The following DTNA variants were observed in gnomAD, a reference collection of about 807,000 sequenced individuals.
The protein encoded by DTNA is dystrophin-related protein 3.
DTNA carries 43 observed loss-of-function variants against 100.7 expected under a neutral mutation model. The ratio of observed to expected loss-of-function variants is 0.43; its 90% confidence interval spans 0.33 to 0.55. DTNA has a LOEUF of 0.55. DTNA is among the 20% of genes least tolerant of loss of function. DTNA has a pLI of 0.04. For synonymous variants in DTNA, 349 were observed against 347.9 expected, an observed-to-expected ratio of 1.00 and a Z score of -0.04; for missense variants, 798 against 953.9, an observed-to-expected ratio of 0.84 and a Z score of 2.15.
chr18:34,746,330 C>T (rs531916264), intron 1 of DTNA, among the ~76,000 whole-genome samples: 2 of 151,922 alleles, frequency 1.3e-5, no homozygotes, highest in South Asian at 4.2e-4. Flanking sequence ...TTGAGACAGT[C>T]CCAAATGATC....
chr18:34,558,242 G>A (rs565366949), intron 1 of DTNA: 31 of 153,460 alleles, frequency 2.0e-4, no homozygotes, highest in African/African-American at 6.3e-4. Flanking sequence ...CACGGTGTGC[G>A]CACCCACTGA....
At chr18:34,535,326 T>G (rs1189346912) in intron 1 of DTNA, among the ~76,000 whole-genome samples, 1 of 152,162 alleles carries the variant, frequency 6.6e-6, no homozygotes, top group African/African-American at 2.4e-5. Flanking sequence ...TTGCCCACTT[T>G]TTGATGGGAT....
intron 1 of DTNA, among the ~76,000 whole-genome samples, chr18:34,685,320 G>A (rs143306515): frequency 2.2e-3 from 333 of 152,224 alleles, no homozygotes; most frequent in African/African-American, 7.9e-3. Context: ...TTTGTATGAG[G>A]TGTAAGGAAA....
intron 1 of DTNA, among the ~76,000 whole-genome samples, chr18:34,495,788 A>G (rs1305960293): frequency 6.6e-6 from 1 of 152,190 alleles, no homozygotes; most frequent in African/African-American, 2.4e-5. Flanking sequence ...TAAAATCTCC[A>G]CTTGTTTTAA....
At chr18:34,778,385 C>CT (rs1210100159) in intron 3 of DTNA, among the ~76,000 whole-genome samples, 1 of 152,134 alleles carries the variant, frequency 6.6e-6, no homozygotes, top group Non-Finnish European at 1.5e-5. Context: ...CCACTTCACT[C>CT]TTTTTATAGC....
At chr18:34,703,648 C>T (rs79641514) in intron 1 of DTNA, among the ~76,000 whole-genome samples, 2,243 of 152,274 alleles carry the variant, frequency 0.015, 58 homozygotes, top group African/African-American at 0.052. Flanking sequence ...ATCAGATGTA[C>T]AGTCCTTGCT....
At chr18:34,519,444 A>G (rs2041960714) in intron 1 of DTNA, among the ~76,000 whole-genome samples, 2 of 152,086 alleles carry the variant, frequency 1.3e-5, no homozygotes, top group Non-Finnish European at 2.9e-5. Flanking sequence ...TACAAACTTC[A>G]TTAAATAAAT....
At chr18:34,810,611 C>T (rs188452992) in intron 5 of DTNA, among the ~76,000 whole-genome samples, 3 of 152,050 alleles carry the variant, frequency 2.0e-5, no homozygotes, top group Non-Finnish European at 4.4e-5. Context: ...AGGAGGAATA[C>T]GTTCGAGTGT....
chr18:34,780,218 A>G (rs1325611979), intron 3 of DTNA, among the ~76,000 whole-genome samples: 7 of 152,216 alleles, frequency 4.6e-5, no homozygotes, highest in Admixed American at 2.0e-4. Flanking sequence ...ATAAAGTTCT[A>G]TTTGTTCAAG....
intron 13 of DTNA, among the ~76,000 whole-genome samples, chr18:34,846,926 T>A (rs1481782499): frequency 6.6e-6 from 1 of 152,180 alleles, no homozygotes; most frequent in Non-Finnish European, 1.5e-5. Context: ...CTTTACAATA[T>A]GTATTTATGA....
chr18:34,522,577 G>T (rs893433493), intron 1 of DTNA, among the ~76,000 whole-genome samples: 4 of 152,116 alleles, frequency 2.6e-5, no homozygotes, highest in Non-Finnish European at 4.4e-5. Flanking sequence ...AGGAAGTTTT[G>T]CATGTGTTCT....
At chr18:34,828,186 G>T (rs768142716) in intron 10 of DTNA, among the ~76,000 whole-genome samples, 14 of 152,094 alleles carry the variant, frequency 9.2e-5, no homozygotes, top group Non-Finnish European at 1.3e-4. Context: ...ATAATAATAA[G>T]AACTTTTTTA....
intron 1 of DTNA, among the ~76,000 whole-genome samples, chr18:34,734,696 G>A (rs2089155385): frequency 6.6e-6 from 1 of 152,168 alleles, no homozygotes; most frequent in Admixed American, 6.5e-5. Context: ...GAAGTTAGAA[G>A]TAACCAACCA....
At chr18:34,538,225 A>G (rs1417869475) in intron 1 of DTNA, among the ~76,000 whole-genome samples, 1 of 152,076 alleles carries the variant, frequency 6.6e-6, no homozygotes, top group Non-Finnish European at 1.5e-5. Context: ...TTGTTGACGC[A>G]GATTCTCAGG....
chr18:34,881,738 C>T (rs1207537889), intron 20 of DTNA, among the ~76,000 whole-genome samples: 3 of 152,040 alleles, frequency 2.0e-5, no homozygotes, highest in Non-Finnish European at 4.4e-5. Flanking sequence ...ATTGGGAAAA[C>T]TTTGTATCCC....
intron 1 of DTNA, among the ~76,000 whole-genome samples, chr18:34,741,126 G>T (rs1297323984): frequency 6.6e-6 from 1 of 152,076 alleles, no homozygotes. Flanking sequence ...ATTATAGTAA[G>T]AATAACATAA....
At chr18:34,571,348 C>G (rs1463360884) in intron 1 of DTNA, among the ~76,000 whole-genome samples, 2 of 152,152 alleles carry the variant, frequency 1.3e-5, no homozygotes, top group Non-Finnish European at 2.9e-5. Context: ...AGATACTCTT[C>G]CATTTTGCCA....
At chr18:34,525,342 C>G (rs1410925917) in intron 1 of DTNA, among the ~76,000 whole-genome samples, 2 of 152,106 alleles carry the variant, frequency 1.3e-5, no homozygotes, top group Non-Finnish European at 2.9e-5. Flanking sequence ...CCATTCGTTT[C>G]TCCACTGCCC....
intron 20 of DTNA, among the ~76,000 whole-genome samples, chr18:34,881,561 T>C (rs2096873909): frequency 6.7e-6 from 1 of 148,816 alleles, no homozygotes; most frequent in African/African-American, 2.5e-5. Context: ...AAGGCATGAA[T>C]GTGGTATGCA....
Sources: allele counts gnomAD v4.1 joint callset (sites outside exome capture counted in the v4.1 genomes callset), GRCh38; gene constraint gnomAD v4.1.1; transcripts MANE v1.5; gene names NCBI Gene and HGNC (gene_info 2026-07-23, HGNC 2026-07-21).